Variants in PARP8 observed in about 807,000 individuals in gnomAD.
PARP8 encodes the protein protein mono-ADP-ribosyltransferase PARP8.
Under a neutral mutation model 124.1 loss-of-function variants are expected in PARP8, and 51 were observed. The observed-to-expected ratio is 0.41, with a 90% confidence interval of 0.33 to 0.52. PARP8 has a LOEUF of 0.52. PARP8 is among the 20% of genes least tolerant of loss of function. PARP8 has a pLI of 0.21. For synonymous variants in PARP8, 391 were observed against 361.5 expected, an observed-to-expected ratio of 1.08 and a Z score of -0.93; for missense variants, 860 against 1,018.9, an observed-to-expected ratio of 0.84 and a Z score of 2.12.
intron 7 of PARP8, among the ~76,000 whole-genome samples, chr5:50,776,740 A>G (rs1270343060): frequency 1.3e-5 from 2 of 152,198 alleles, no homozygotes; most frequent in African/African-American, 2.4e-5. Context: ...TAAATCACAT[A>G]AAATTTTTCA....
In PARP8 at chr5:50,821,248, G is replaced by C; in HGVS notation, c.1704G>C (p.Ala568=). ...TACTAGTATCCATGTGTAGGTCTGC[G>C]TTGGAATCTCCTAGAAAAGTTGTGA... ...VDLLVSMCRS[A]LESPRKVVIF... is the part of the protein sequence containing the mutation. The change falls in exon 16 of 26, where the codon GCG becomes GCC. Residue 568 remains alanine, a synonymous_variant. Coordinates refer to ENST00000281631, the MANE Select transcript of PARP8 (RefSeq NM_024615.4). 1 of 1,613,924 alleles carries C rather than the reference G, an allele frequency of 6.2e-7. No individual in the cohort carries two copies. The highest frequency in any genetic ancestry group is 8.5e-7 in the Non-Finnish European group (1 of 1,179,880).
chr5:50,812,937 T>C (rs1418543094), intron 14 of PARP8, among the ~76,000 whole-genome samples: 1 of 152,166 alleles, frequency 6.6e-6, no homozygotes, highest in African/African-American at 2.4e-5. Flanking sequence ...GGCTCTGTTC[T>C]GTTCCATTGG....
chr5:50,723,489 G>T (rs1756117765), intron 2 of PARP8, among the ~76,000 whole-genome samples: 1 of 151,992 alleles, frequency 6.6e-6, no homozygotes, highest in African/African-American at 2.4e-5. Flanking sequence ...CTTTCTAAAA[G>T]AAGTGATTTT....
chr5:50,755,916 C>T (rs1759890024), intron 3 of PARP8, among the ~76,000 whole-genome samples: 1 of 152,034 alleles, frequency 6.6e-6, no homozygotes, highest in Non-Finnish European at 1.5e-5. Flanking sequence ...AAGTTGGATT[C>T]CTAGGTATTT....
At chr5:50,715,891 G>A (rs150261389) in intron 2 of PARP8, among the ~76,000 whole-genome samples, 1,697 of 152,078 alleles carry the variant, frequency 0.011, 17 homozygotes, top group Middle Eastern at 0.082. Flanking sequence ...CATACATAAT[G>A]GGTAAAGATA....
chr5:50,747,613 G>A (rs1458356353), intron 2 of PARP8, among the ~76,000 whole-genome samples: 2 of 151,712 alleles, frequency 1.3e-5, no homozygotes, highest in Non-Finnish European at 2.9e-5. Context: ...GAACTGACAC[G>A]TTTATCATTA....
At chr5:50,674,203 C>T (rs1239764494) in intron 2 of PARP8, among the ~76,000 whole-genome samples, 1 of 152,200 alleles carries the variant, frequency 6.6e-6, no homozygotes, top group Non-Finnish European at 1.5e-5. Flanking sequence ...GTCATTTTCA[C>T]CTCAACCCCA....
At chr5:50,674,540 A>G (rs1750394597) in intron 2 of PARP8, among the ~76,000 whole-genome samples, 1 of 152,244 alleles carries the variant, frequency 6.6e-6, no homozygotes. Context: ...GCATGAAATT[A>G]ATCATTCATC....
At chr5:50,692,328 T>C (rs995107852) in intron 2 of PARP8, among the ~76,000 whole-genome samples, 5 of 152,098 alleles carry the variant, frequency 3.3e-5, no homozygotes, top group Non-Finnish European at 5.9e-5. Context: ...GCATTGTCTA[T>C]TCCTGTTTAT....
intron 2 of PARP8, 52 bp from the exon 3 acceptor site, chr5:50,750,099 C>G: frequency 7.3e-7 from 1 of 1,371,234 alleles, no homozygotes; most frequent in Non-Finnish European, 1.0e-6. Flanking sequence ...TTTATAAAAG[C>G]CTGTCTACCT....
rs112687782 is a variant in PARP8 at position 50,750,126 on chromosome 5, CT to C, written c.147-19del. 3.0e-3 allele frequency: 4,399 copies of C among 1,467,102 alleles called. 109 individuals carry two copies. The African/African-American group carries it at 0.056, about 19-fold the overall frequency. 90.9% of individuals were successfully genotyped at this position (1,467,102 alleles called of 1,614,324 possible). ...TGTCTACCTTAGCAATAACTTGAGC[CT>C]TTTTTGTTTGTTTGTTTTAACAGTG... On this transcript the variant is annotated intron_variant, in intron 2 of 25. Transcript: ENST00000281631.
chr5:50,770,755 T>C (rs1457427657), intron 7 of PARP8, among the ~76,000 whole-genome samples: 10 of 151,916 alleles, frequency 6.6e-5, no homozygotes, highest in Admixed American at 3.3e-4. Flanking sequence ...AAAGAAAAGA[T>C]GGATGCGGCA....
intron 2 of PARP8, among the ~76,000 whole-genome samples, chr5:50,677,924 TA>T (rs34570578): frequency 0.017 from 2,460 of 143,082 alleles, 61 homozygotes; most frequent in African/African-American, 0.056. Context: ...TTACAGAAAT[TA>T]AAAAAAAAAA....
intron 14 of PARP8, among the ~76,000 whole-genome samples, chr5:50,804,814 C>T (rs1460923237): frequency 1.3e-5 from 2 of 152,058 alleles, no homozygotes; most frequent in Admixed American, 6.6e-5. Context: ...GAAATAGCTC[C>T]GAGAACAGTT....
chr5:50,816,823 C>CT (rs1745157366), intron 15 of PARP8, among the ~76,000 whole-genome samples: 1 of 152,024 alleles, frequency 6.6e-6, no homozygotes, highest in African/African-American at 2.4e-5. Flanking sequence ...TATGGAGAGC[C>CT]TTTTTCTTTT....
chr5:50,828,205 T>C (rs1746556403), intron 20 of PARP8, 107 bp from the exon 21 acceptor site: 3 of 1,230,686 alleles, frequency 2.4e-6, no homozygotes, highest in African/African-American at 3.0e-5. Context: ...AATACTTGAT[T>C]TGGCAATCCA....
intron 2 of PARP8, among the ~76,000 whole-genome samples, chr5:50,690,234 T>C (rs932728939): frequency 3.3e-5 from 5 of 152,194 alleles, no homozygotes; most frequent in Non-Finnish European, 5.9e-5. Flanking sequence ...CAGTGAATTA[T>C]GTATGATAGT....
chr5:50,727,092 A>G (rs1756503735), intron 2 of PARP8, among the ~76,000 whole-genome samples: 1 of 152,126 alleles, frequency 6.6e-6, no homozygotes. Context: ...ATTCCTTTGT[A>G]TAGTAGTATT....
chr5:50,778,497 G>GTTT, intron 8 of PARP8, 63 bp from the exon 9 acceptor site: 2 of 1,208,174 alleles, frequency 1.7e-6, no homozygotes, highest in East Asian at 2.7e-5. Context: ...AAGTTTGTGT[G>GTTT]TTTTTTTTTT....
Sources: allele counts gnomAD v4.1 joint callset (sites outside exome capture counted in the v4.1 genomes callset), GRCh38; gene constraint gnomAD v4.1.1; transcripts MANE v1.5; gene names NCBI Gene and HGNC (gene_info 2026-07-23, HGNC 2026-07-21).